CA5A: variants seen among roughly 807,000 people sequenced by gnomAD.
The protein encoded by CA5A is carbonic anhydrase 5A, mitochondrial.
A neutral mutation model predicts 37.1 loss-of-function variants in CA5A; 28 were observed. The ratio of observed to expected loss-of-function variants is 0.75; its 90% confidence interval spans 0.56 to 1.03. The LOEUF (loss-of-function observed/expected upper bound fraction) is 1.03, where lower values mean the gene tolerates loss of function less well. Among genes scored for constraint, CA5A ranks in the 50% least tolerant of loss-of-function variants. CA5A has a pLI of 0.00. For synonymous variants in CA5A, 171 were observed against 158.4 expected (o/e 1.08, Z -0.60); for missense variants, 444 against 399.9 (o/e 1.11, Z -0.94).
intron 5 of CA5A, 48 bp from the exon 6 acceptor site, chr16:87,892,002 G>A: frequency 6.8e-7 from 1 of 1,470,952 alleles, no homozygotes. Context: ...GGGGAGACTA[G>A]GAGCTTCCAT....
At chr16:87,931,659 G>A (rs1049054555) in intron 1 of CA5A, among the ~76,000 whole-genome samples, 4 of 152,152 alleles carry the variant, frequency 2.6e-5, no homozygotes, top group African/African-American at 9.7e-5. Context: ...CATGATAGAC[G>A]GGGAGGATGC....
chr16:87,901,226 C>T (rs547811639), intron 5 of CA5A, among the ~76,000 whole-genome samples: 2 of 151,672 alleles, frequency 1.3e-5, no homozygotes, highest in East Asian at 1.9e-4. Context: ...GGAGACTCCT[C>T]GAAAAAATAA....
At chr16:87,914,733 C>T (rs1444932741) in intron 2 of CA5A, among the ~76,000 whole-genome samples, 1 of 152,144 alleles carries the variant, frequency 6.6e-6, no homozygotes. Flanking sequence ...GAGCACCGGG[C>T]AGTCCACAAG....
intron 5 of CA5A, among the ~76,000 whole-genome samples, chr16:87,897,198 T>G (rs1182325328): frequency 1.3e-5 from 2 of 152,226 alleles, no homozygotes; most frequent in Non-Finnish European, 2.9e-5. Context: ...CTGGACCTGG[T>G]GGGCTGTTTC....
chr16:87,883,135 C>G (rs2055622493), downstream of CA5A: 1 of 152,278 alleles, frequency 6.6e-6, no homozygotes, highest in Admixed American at 6.5e-5. Flanking sequence ...ATTCTCCTGC[C>G]TCAGCCTCCA....
At chr16:87,932,530 C>A (rs949144375) in intron 1 of CA5A, among the ~76,000 whole-genome samples, 1 of 152,234 alleles carries the variant, frequency 6.6e-6, no homozygotes, top group Non-Finnish European at 1.5e-5. Flanking sequence ...CTCCACACAG[C>A]CGACCCTGGT....
At chr16:87,913,579 C>G (rs150012635) in intron 2 of CA5A, among the ~76,000 whole-genome samples, 1 of 152,164 alleles carries the variant, frequency 6.6e-6, no homozygotes, top group Non-Finnish European at 1.5e-5. Flanking sequence ...ATTCCTCTTC[C>G]GTGGGCCTCC....
At position 87,915,655 on chromosome 16, in the gene CA5A, C is replaced by G. The variant is rs1290123841; in HGVS notation, c.341-10751G>C. 4.0e-5 allele frequency among the ~76,000 whole-genome samples: 5 copies of G among 124,276 alleles called. No homozygotes were observed. The South Asian group carries it at 1.3e-3, about 33-fold the overall frequency. The allele number at this position is 124,276 out of a possible 152,430, so 81.5% of individuals were successfully genotyped here. On this transcript the variant is annotated intron_variant, in intron 2 of 6. Transcript: ENST00000649794. The stretch of plus-strand genomic sequence containing the variant: ...AGTGGGCTGTGATTGCACCACTGCA[C>G]TGCAGCCTGGGCGACAGAGCAAGAT...
chr16:87,933,812 T>C (rs1457442710), intron 1 of CA5A, among the ~76,000 whole-genome samples: 2 of 152,198 alleles, frequency 1.3e-5, no homozygotes, highest in African/African-American at 4.8e-5. Context: ...AGAATGCCCA[T>C]AAATAAAACA....
chr16:87,887,831 T>A, downstream of CA5A: 1 of 280,116 alleles, frequency 3.6e-6, no homozygotes, highest in South Asian at 7.7e-5. Flanking sequence ...CACTGAACCG[T>A]AAGAGAATCA....
chr16:87,928,756 CTTTGTTTTTTTTTTTT>C (rs1463652375), intron 1 of CA5A, among the ~76,000 whole-genome samples: 1 of 108,150 alleles, frequency 9.2e-6, no homozygotes, highest in African/African-American at 3.5e-5. Context: ...ATTTTCTTTT[CTTTGTTTTTTTTTTTT>C]TTTTTTTTTT....
intron 2 of CA5A, among the ~76,000 whole-genome samples, chr16:87,918,806 C>A (rs998195867): frequency 1.3e-5 from 2 of 152,182 alleles, no homozygotes; most frequent in Non-Finnish European, 2.9e-5. Context: ...TTCCCTCCAT[C>A]CCCAGCGGCT....
chr16:87,897,877 C>T (rs530846122), intron 5 of CA5A, among the ~76,000 whole-genome samples: 3 of 152,284 alleles, frequency 2.0e-5, no homozygotes, highest in East Asian at 1.9e-4. Flanking sequence ...GGAGGGCTGT[C>T]GCTTCTTTGA....
intron 2 of CA5A, among the ~76,000 whole-genome samples, chr16:87,910,300 T>C (rs1030443939): frequency 1.3e-5 from 2 of 152,194 alleles, no homozygotes; most frequent in Non-Finnish European, 2.9e-5. Flanking sequence ...GGGCACCTGC[T>C]ACCTGCTGGG....
At chr16:87,916,028 G>A (rs1489854627) in intron 2 of CA5A, among the ~76,000 whole-genome samples, 1 of 151,926 alleles carries the variant, frequency 6.6e-6, no homozygotes, top group Non-Finnish European at 1.5e-5. Flanking sequence ...GCAGCCAAGA[G>A]ACAGAATGAG....
intron 6 of CA5A, among the ~76,000 whole-genome samples, chr16:87,890,792 T>TA (rs1555519384): frequency 7.2e-5 from 11 of 151,976 alleles, no homozygotes; most frequent in African/African-American, 2.4e-4. Flanking sequence ...ATTTTTGTAT[T>TA]TTTATTTATT....
intron 2 of CA5A, among the ~76,000 whole-genome samples, chr16:87,925,336 G>C (rs917245962): frequency 6.6e-6 from 1 of 152,296 alleles, no homozygotes; most frequent in Middle Eastern, 3.4e-3. Context: ...GAGGGCCCCA[G>C]GCAGGAGCTT....
In CA5A at chr16:87,926,027, A is replaced by AAG. The variant is rs1567535615; in HGVS notation, c.340+720_340+721insCT. Among the ~76,000 whole-genome samples the AAG allele has an allele frequency of 3.0e-4, 45 of 152,320 alleles. No homozygotes were observed. In the East Asian group the frequency reaches 4.6e-3, roughly 16 times the overall value. On this transcript the variant is annotated intron_variant, in intron 2 of 6. Coordinates refer to ENST00000649794, the MANE Select transcript of CA5A (RefSeq NM_001739.2). ...CACCTGATGTCAGGGGTTCGAGAGCAGCCTGGCCAACATGGCGACATCCCA... is the reference window on the plus strand; with the variant it reads ...CACCTGATGTCAGGGGTTCGAGAGCAAGGCCTGGCCAACATGGCGACATCCCA...
chr16:87,926,902 G>A lies in CA5A; in HGVS notation c.186C>T (p.Thr62=). 6.2e-7 allele frequency: 1 copy of A among 1,605,652 alleles called. No individual in the cohort carries two copies. Among genetic ancestry groups the A allele is most frequent in the Non-Finnish European group, 8.5e-7 (1 of 1,175,688 alleles). The stretch of plus-strand genomic sequence containing the variant: ...ACTGGATGTTAATAGGAGACTGCCG[G>A]GTGCCCCCTGGCACGGAGACCGGGA... ...WTVPVSVPGG[T]RQSPINIQWR... The change falls in exon 2 of 7, where the codon ACC becomes ACT. Residue 62 remains threonine (T), a synonymous_variant. Transcript: ENST00000649794.
Sources: allele counts gnomAD v4.1 joint callset (sites outside exome capture counted in the v4.1 genomes callset), GRCh38; gene constraint gnomAD v4.1.1; transcripts MANE v1.5; gene names NCBI Gene and HGNC (gene_info 2026-07-23, HGNC 2026-07-21).